The following TACR1 variants were observed in gnomAD, a reference collection of about 807,000 sequenced individuals.
TACR1 encodes the protein substance-P receptor.
In TACR1, 25 loss-of-function variants were observed where a neutral mutation model predicts 35.8. That is an observed-to-expected ratio of 0.70 (90% CI 0.51 to 0.98). The LOEUF is 0.98. Ranked by LOEUF, TACR1 falls within the 50% of genes least tolerant of loss-of-function variation. The pLI, the probability that TACR1 is intolerant of heterozygous loss-of-function variation, is 0.00. For missense variants in TACR1, 478 were observed against 522.9 expected (o/e 0.91, Z 0.84); for synonymous variants, 195 against 206.7 (o/e 0.94, Z 0.48).
intron 1 of TACR1, among the ~76,000 whole-genome samples, chr2:75,150,104 G>A (rs1451416859): frequency 6.6e-6 from 1 of 152,178 alleles, no homozygotes; most frequent in Non-Finnish European, 1.5e-5. Flanking sequence ...ACTTGATAAT[G>A]ATGGATAAGC....
intron 2 of TACR1, among the ~76,000 whole-genome samples, chr2:75,078,942 AT>A (rs1372868819): frequency 6.6e-6 from 1 of 152,118 alleles, no homozygotes; most frequent in African/African-American, 2.4e-5. Flanking sequence ...TAAGGGAAAA[AT>A]ATGACAAAAT....
chr2:75,184,602 T>C (rs1558585381), intron 1 of TACR1, among the ~76,000 whole-genome samples: 1 of 151,536 alleles, frequency 6.6e-6, no homozygotes, highest in Non-Finnish European at 1.5e-5. Context: ...TCAAAATAAC[T>C]ATTAAAAAAT....
At chr2:75,117,625 A>G (rs967116619) in intron 2 of TACR1, among the ~76,000 whole-genome samples, 4 of 152,208 alleles carry the variant, frequency 2.6e-5, no homozygotes, top group Non-Finnish European at 4.4e-5. Flanking sequence ...ATAGGGTTAG[A>G]TCCAGATAAA....
chr2:75,125,661 G>A (rs1674058130), intron 1 of TACR1, among the ~76,000 whole-genome samples: 1 of 152,144 alleles, frequency 6.6e-6, no homozygotes, highest in South Asian at 2.1e-4. Context: ...TGTAAAAGGA[G>A]AAAAACATAC....
At chr2:75,115,913 A>AAT (rs1257894809) in intron 2 of TACR1, among the ~76,000 whole-genome samples, 1 of 151,034 alleles carries the variant, frequency 6.6e-6, no homozygotes, top group Non-Finnish European at 1.5e-5. Flanking sequence ...TCTCAAAAAA[A>AAT]AAAAAAAAAA....
intron 2 of TACR1, among the ~76,000 whole-genome samples, chr2:75,116,951 ACTT>A: frequency 6.6e-6 from 1 of 152,300 alleles, no homozygotes; most frequent in Admixed American, 6.5e-5. Context: ...ATCAATTTAT[ACTT>A]CTTCTAGCAG....
At chr2:75,179,256 A>G (rs1675503294) in intron 1 of TACR1, among the ~76,000 whole-genome samples, 1 of 152,068 alleles carries the variant, frequency 6.6e-6, no homozygotes. Context: ...CATATATCCC[A>G]TCAACAAATC....
At position 75,180,071 on chromosome 2, in the gene TACR1, A is replaced by G. The variant is rs114928169; in HGVS notation, c.389+18475T>C. Among the ~76,000 whole-genome samples the G allele has an allele frequency of 6.9e-3, 1,052 of 152,224 alleles. 16 individuals carry two copies. The highest frequency in any genetic ancestry group is 0.024 in the African/African-American group (997 of 41,536). On this transcript the variant is annotated intron_variant, in intron 1 of 4. Coordinates refer to ENST00000305249, the MANE Select transcript of TACR1 (RefSeq NM_001058.4). ...TATTCTAGCTGTCCCTTCTACCTGGAAAGTCCTTCACTAAGATCATCACAT... is the reference window on the plus strand; with the variant it reads ...TATTCTAGCTGTCCCTTCTACCTGGGAAGTCCTTCACTAAGATCATCACAT...
chr2:75,156,533 G>T lies in TACR1; in HGVS notation c.390-35765C>A, dbSNP rs1421615345. ...CAGGAGAATGGTGTGAACCTGGGAG[G>T]CAGAGCTTGCAGTGAGTGGAGATCA... On this transcript the variant is annotated intron_variant, in intron 1 of 4. Transcript: ENST00000305249. Among the ~76,000 whole-genome samples, 5 of 150,468 alleles carry T rather than the reference G, an allele frequency of 3.3e-5. No homozygotes were observed. In the South Asian group the frequency reaches 1.1e-3, roughly 32 times the overall value.
At chr2:75,145,771 C>A (rs1674497095) in intron 1 of TACR1, among the ~76,000 whole-genome samples, 1 of 152,182 alleles carries the variant, frequency 6.6e-6, no homozygotes. Flanking sequence ...TAATACTGCA[C>A]TGTTGGAATA....
At chr2:75,181,516 T>C (rs1337983334) in intron 1 of TACR1, among the ~76,000 whole-genome samples, 1 of 152,206 alleles carries the variant, frequency 6.6e-6, no homozygotes, top group Non-Finnish European at 1.5e-5. Context: ...GATTTAACAT[T>C]ATCCCTATGG....
Position 75,049,306 on chromosome 2 carries a change from T to C in TACR1, c.*126A>G. ...AGGATGGAATGTTTTCCCTAACCCA[T>C]ACTGACCCTTTTTGCAAGTCCCAGT... is the stretch of plus-strand genomic sequence containing the variant. On this transcript the variant is annotated 3_prime_UTR_variant, in exon 5 of 5. Coordinates refer to ENST00000305249, the MANE Select transcript of TACR1 (RefSeq NM_001058.4). The C allele has an allele frequency of 9.3e-7, 1 of 1,076,782 alleles. No individual in the cohort carries two copies. 66.7% of individuals were successfully genotyped at this position (1,076,782 alleles called of 1,614,324 possible).
intron 2 of TACR1, among the ~76,000 whole-genome samples, chr2:75,094,902 A>G (rs999805908): frequency 2.0e-5 from 3 of 146,646 alleles, no homozygotes; most frequent in Non-Finnish European, 4.4e-5. Flanking sequence ...AACAGCTAGA[A>G]TATGACTGGA....
chr2:75,105,812 T>A (rs1224622752), intron 2 of TACR1, among the ~76,000 whole-genome samples: 3 of 151,754 alleles, frequency 2.0e-5, no homozygotes, highest in African/African-American at 4.8e-5. Context: ...GTCAAAAAAA[T>A]TCCAACTGAG....
intron 1 of TACR1, among the ~76,000 whole-genome samples, chr2:75,144,017 C>T (rs1191052791): frequency 6.6e-6 from 1 of 152,224 alleles, no homozygotes; most frequent in African/African-American, 2.4e-5. Flanking sequence ...ACCTGCTTAG[C>T]AGTGAAGCTC....
intron 1 of TACR1, among the ~76,000 whole-genome samples, chr2:75,136,921 C>G (rs1674303779): frequency 6.6e-6 from 1 of 152,146 alleles, no homozygotes; most frequent in African/African-American, 2.4e-5. Flanking sequence ...GGTAGACTAC[C>G]TAGGAGATCT....
intron 1 of TACR1, among the ~76,000 whole-genome samples, chr2:75,173,328 G>T (rs1310838124): frequency 6.6e-6 from 1 of 152,084 alleles, no homozygotes; most frequent in Non-Finnish European, 1.5e-5. Flanking sequence ...CAAGAATAAA[G>T]CCTGACTGCC....
At chr2:75,052,040 G>C (rs1047870061) in intron 3 of TACR1, among the ~76,000 whole-genome samples, 1 of 152,202 alleles carries the variant, frequency 6.6e-6, no homozygotes, top group Middle Eastern at 3.2e-3. Flanking sequence ...TGCAGTCAGA[G>C]AGTGCCAGAT....
chr2:75,069,885 T>C (rs573339906), intron 2 of TACR1, among the ~76,000 whole-genome samples: 1 of 152,234 alleles, frequency 6.6e-6, no homozygotes, highest in Admixed American at 6.5e-5. Flanking sequence ...GTCAGGTTTC[T>C]CCACTGTGAA....
Sources: allele counts gnomAD v4.1 joint callset (sites outside exome capture counted in the v4.1 genomes callset), GRCh38; gene constraint gnomAD v4.1.1; transcripts MANE v1.5; gene names NCBI Gene and HGNC (gene_info 2026-07-23, HGNC 2026-07-21).